The following LSAMP variants were observed in gnomAD, a reference collection of about 807,000 sequenced individuals.
LSAMP encodes limbic system associated membrane protein, also known as limbic system-associated membrane protein.
A neutral mutation model predicts 38.6 loss-of-function variants in LSAMP; 7 were observed. That is an observed-to-expected ratio of 0.18 (90% CI 0.10 to 0.34). The LOEUF is 0.34. Among genes scored for constraint, LSAMP ranks in the 10% least tolerant of loss-of-function variants. The pLI is 1.00. For synonymous variants in LSAMP, 154 were observed against 166.8 expected, an observed-to-expected ratio of 0.92 and a Z score of 0.59; for missense variants, 313 against 420.0, an observed-to-expected ratio of 0.75 and a Z score of 2.23.
chr3:116,129,102 T>C (rs1709070083), intron 1 of LSAMP, among the ~76,000 whole-genome samples: 1 of 152,172 alleles, frequency 6.6e-6, no homozygotes, highest in Non-Finnish European at 1.5e-5. Flanking sequence ...ATGATACCCC[T>C]TGAAAAACAT....
chr3:116,318,135 C>CAAAAA (rs373392802), intron 1 of LSAMP, among the ~76,000 whole-genome samples: 5 of 101,678 alleles, frequency 4.9e-5, no homozygotes, highest in African/African-American at 1.7e-4. Context: ...GACTCCATCT[C>CAAAAA]AAAAAAAAAA....
chr3:116,284,354 C>T (rs1160236093), intron 1 of LSAMP, among the ~76,000 whole-genome samples: 1 of 152,120 alleles, frequency 6.6e-6, no homozygotes, highest in African/African-American at 2.4e-5. Flanking sequence ...CATTATGAAA[C>T]CAGTATAGTT....
intron 3 of LSAMP, among the ~76,000 whole-genome samples, chr3:115,976,727 TAGTG>T (rs1274977854): frequency 2.0e-5 from 3 of 152,100 alleles, no homozygotes; most frequent in African/African-American, 4.8e-5. Flanking sequence ...GTTCTCATGA[TAGTG>T]AGTGAGTTCT....
chr3:116,242,836 T>A (rs201991231), intron 1 of LSAMP, among the ~76,000 whole-genome samples: 68 of 151,676 alleles, frequency 4.5e-4, no homozygotes, highest in Non-Finnish European at 8.3e-4. Context: ...GCCTCATAGA[T>A]AGAAGTGTCC....
At chr3:116,192,571 G>C (rs1284079260) in intron 1 of LSAMP, among the ~76,000 whole-genome samples, 1 of 152,146 alleles carries the variant, frequency 6.6e-6, no homozygotes, top group Non-Finnish European at 1.5e-5. Flanking sequence ...AATGAGATTA[G>C]AGAGAATAAG....
intron 1 of LSAMP, among the ~76,000 whole-genome samples, chr3:116,268,371 TA>T (rs1308125188): frequency 1.3e-5 from 2 of 152,120 alleles, no homozygotes; most frequent in Non-Finnish European, 2.9e-5. Context: ...ATATAAGGCA[TA>T]AATCCATACC....
chr3:115,995,401 A>G (rs1018226317), intron 3 of LSAMP, among the ~76,000 whole-genome samples: 4 of 152,070 alleles, frequency 2.6e-5, no homozygotes, highest in African/African-American at 9.7e-5. Context: ...AGGATCTAGA[A>G]TACTGCATGG....
intron 1 of LSAMP, among the ~76,000 whole-genome samples, chr3:116,377,837 T>C (rs558332715): frequency 2.0e-5 from 3 of 152,018 alleles, no homozygotes; most frequent in Non-Finnish European, 4.4e-5. Flanking sequence ...AACATCATTG[T>C]TTCTTTTAAC....
At chr3:115,849,031 G>C (rs752712623) in intron 4 of LSAMP, among the ~76,000 whole-genome samples, 1 of 152,206 alleles carries the variant, frequency 6.6e-6, no homozygotes, top group Admixed American at 6.5e-5. Flanking sequence ...AACTGAAATT[G>C]AGGAACTGCA....
intron 3 of LSAMP, among the ~76,000 whole-genome samples, chr3:115,989,788 C>G (rs550371698): frequency 1.3e-5 from 2 of 152,122 alleles, no homozygotes; most frequent in East Asian, 3.9e-4. Context: ...AGCTTATTTC[C>G]TAGCCCTCTT....
chr3:115,861,441 TG>T, intron 3 of LSAMP, among the ~76,000 whole-genome samples: 1 of 152,058 alleles, frequency 6.6e-6, no homozygotes, highest in Middle Eastern at 3.4e-3. Context: ...TAACTGACGG[TG>T]GCTGCCTGGG....
intron 3 of LSAMP, among the ~76,000 whole-genome samples, chr3:115,854,282 A>ATTTTTTTTT (rs35263381): frequency 9.3e-5 from 10 of 107,032 alleles, no homozygotes; most frequent in African/African-American, 1.5e-4. Flanking sequence ...TATTATTATT[A>ATTTTTTTTT]TTTTTTTTTT....
At chr3:115,847,172 A>G (rs1935186824) in intron 4 of LSAMP, among the ~76,000 whole-genome samples, 2 of 152,304 alleles carry the variant, frequency 1.3e-5, no homozygotes, top group South Asian at 4.1e-4. Flanking sequence ...ACCACTCACC[A>G]AAGCTGTTTG....
rs529127698 is a variant in LSAMP, at chr3:116,165,435, G to C, written c.156-78879C>G. On this transcript the variant is annotated intron_variant, in intron 1 of 6. Transcript: ENST00000490035. Reference sequence around the variant, plus strand: ...GTTTGCCCTCCAGACCCCCCACCTAGTGGAGCAATTGGAGGATAAAGAAAG... The same window carrying C: ...GTTTGCCCTCCAGACCCCCCACCTACTGGAGCAATTGGAGGATAAAGAAAG... 1.1e-4 allele frequency among the ~76,000 whole-genome samples: 16 copies of C among 152,278 alleles called. No individual in the cohort carries two copies. The East Asian group carries it at 3.1e-3, about 29-fold the overall frequency.
chr3:116,329,863 G>C (rs912157443), intron 1 of LSAMP, among the ~76,000 whole-genome samples: 1 of 151,886 alleles, frequency 6.6e-6, no homozygotes, highest in African/African-American at 2.4e-5. Flanking sequence ...AAAAAAGCTA[G>C]TTAACTAATA....
At chr3:116,222,000 T>G (rs761674459) in intron 1 of LSAMP, among the ~76,000 whole-genome samples, 2,949 of 152,222 alleles carry the variant, frequency 0.019, 102 homozygotes, top group East Asian at 0.13. Context: ...GAGCTGGTTC[T>G]GAGAAGCCAT....
chr3:115,965,532 A>G (rs1362235236), intron 3 of LSAMP, among the ~76,000 whole-genome samples: 1 of 151,870 alleles, frequency 6.6e-6, no homozygotes, highest in Admixed American at 6.5e-5. Flanking sequence ...AATTAAGCAA[A>G]ATATCTCTTT....
At chr3:116,376,390 T>TTTTAC (rs1453821583) in intron 1 of LSAMP, among the ~76,000 whole-genome samples, 1 of 152,020 alleles carries the variant, frequency 6.6e-6, no homozygotes, top group Non-Finnish European at 1.5e-5. Flanking sequence ...TCACAGGCCA[T>TTTTAC]ACCAATGCTT....
At chr3:116,383,930 C>T (rs1205965880) in intron 1 of LSAMP, among the ~76,000 whole-genome samples, 3 of 152,076 alleles carry the variant, frequency 2.0e-5, no homozygotes, top group Non-Finnish European at 2.9e-5. Context: ...ATAGTTGGCT[C>T]ATTAGTGTAT....
Sources: allele counts gnomAD v4.1 joint callset (sites outside exome capture counted in the v4.1 genomes callset), GRCh38; gene constraint gnomAD v4.1.1; transcripts MANE v1.5; gene names NCBI Gene and HGNC (gene_info 2026-07-23, HGNC 2026-07-21).